The following FUT8 variants were observed in gnomAD, a reference collection of about 807,000 sequenced individuals.
FUT8 encodes alpha-(1,6)-fucosyltransferase.
FUT8 carries 29 observed loss-of-function variants against 71.3 expected under a neutral mutation model. The observed-to-expected ratio is 0.41, with a 90% CI of 0.30 to 0.55. The LOEUF is 0.55. FUT8 is among the 20% of genes least tolerant of loss of function. FUT8 has a pLI of 0.34. For synonymous variants in FUT8, 254 were observed against 239.3 expected, an observed-to-expected ratio of 1.06 and a Z score of -0.57; for missense variants, 544 against 702.1, an observed-to-expected ratio of 0.77 and a Z score of 2.55.
chr14:65,714,366 T>C (rs570906147), intron 7 of FUT8, among the ~76,000 whole-genome samples: 32 of 152,244 alleles, frequency 2.1e-4, no homozygotes, highest in Non-Finnish European at 3.5e-4. Flanking sequence ...GGTTTTGTGC[T>C]TTCTGCTTAG....
intron 1 of FUT8, among the ~76,000 whole-genome samples, chr14:65,436,936 G>C (rs1267564935): frequency 6.6e-6 from 1 of 152,204 alleles, no homozygotes; most frequent in Non-Finnish European, 1.5e-5. Context: ...CCAGGAGCTA[G>C]TTCTGAAGAA....
Position 65,663,951 on chromosome 14 carries a change from T to G in FUT8, c.598-5292T>G, listed in dbSNP as rs934647952. Among the ~76,000 whole-genome samples the G allele has an allele frequency of 2.0e-5, 3 of 152,210 alleles. No individual in the cohort carries two copies. In the East Asian group the frequency reaches 5.8e-4, roughly 29 times the overall value. ...TCAGATGTTTCAATTATTATGTTCCTTCACTCTTTTTTTCCTTAAAAAAGA... is the reference window on the plus strand; with the variant it reads ...TCAGATGTTTCAATTATTATGTTCCGTCACTCTTTTTTTCCTTAAAAAAGA... On this transcript the variant is annotated intron_variant, in intron 6 of 10. Coordinates refer to ENST00000673929, the MANE Select transcript of FUT8 (RefSeq NM_001371533.1).
At chr14:65,625,063 T>TTATAAATA (rs1318410138) in intron 5 of FUT8, among the ~76,000 whole-genome samples, 1 of 69,024 alleles carries the variant, frequency 1.4e-5, no homozygotes, top group African/African-American at 5.5e-5. Flanking sequence ...TGAAACTCTG[T>TTATAAATA]CATAAATAAA....
At chr14:65,595,391 A>G (rs1887910090) in intron 3 of FUT8, among the ~76,000 whole-genome samples, 1 of 152,170 alleles carries the variant, frequency 6.6e-6, no homozygotes, top group African/African-American at 2.4e-5. Context: ...GTGAAATTAT[A>G]AAGAAAATTT....
intron 7 of FUT8, among the ~76,000 whole-genome samples, chr14:65,698,481 AAGAAT>A (rs1323149668): frequency 6.6e-6 from 1 of 152,220 alleles, no homozygotes; most frequent in Non-Finnish European, 1.5e-5. Context: ...AAGCAGTGAG[AAGAAT>A]AGAAGTGTCC....
chr14:65,547,933 C>G (rs1172753177), intron 2 of FUT8, among the ~76,000 whole-genome samples: 1 of 151,856 alleles, frequency 6.6e-6, no homozygotes, highest in East Asian at 1.9e-4. Flanking sequence ...CTGCCCTGTT[C>G]CAAGATTCAA....
In FUT8 at chr14:65,452,795, TC is replaced by T. The variant is rs1261469780; in HGVS notation, c.-325-2825del. 3.9e-5 allele frequency among the ~76,000 whole-genome samples: 6 copies of T among 152,298 alleles called. No individual in the cohort carries two copies. In the South Asian group the frequency reaches 6.2e-4, roughly 16 times the overall value. On this transcript the variant is annotated intron_variant, in intron 1 of 10. Coordinates refer to ENST00000673929, the MANE Select transcript of FUT8 (RefSeq NM_001371533.1). ...CCATCAGACAAAAAAACTTCATAATTCAACAGGTATGTCAGGTAGAGGACTT... is the reference window on the plus strand; with the variant it reads ...CCATCAGACAAAAAAACTTCATAATTAACAGGTATGTCAGGTAGAGGACTT...
intron 3 of FUT8, among the ~76,000 whole-genome samples, chr14:65,571,095 G>T (rs975637502): frequency 2.4e-4 from 37 of 152,060 alleles, no homozygotes; most frequent in African/African-American, 8.7e-4. Context: ...GTGATTCTGG[G>T]TGCTGCTGGA....
chr14:65,635,310 T>C (rs1890487868), intron 6 of FUT8, among the ~76,000 whole-genome samples: 1 of 152,196 alleles, frequency 6.6e-6, no homozygotes, highest in African/African-American at 2.4e-5. Context: ...GACTTCCTCT[T>C]TACCGATTTG....
chr14:65,524,003 G>A (rs1883271474), intron 2 of FUT8, among the ~76,000 whole-genome samples: 1 of 152,222 alleles, frequency 6.6e-6, no homozygotes, highest in African/African-American at 2.4e-5. Flanking sequence ...ATGTCAGGTA[G>A]TGTGATGCCT....
In FUT8 at chr14:65,717,306, G is replaced by A. The variant is rs188897804; in HGVS notation, c.836-4469G>A. Among the ~76,000 whole-genome samples the A allele has an allele frequency of 1.5e-3, 201 of 130,740 alleles. 5 individuals are homozygous for A. In the East Asian group the frequency reaches 0.023, roughly 15 times the overall value. 85.8% of individuals were successfully genotyped at this position (130,740 alleles called of 152,430 possible). A position where few individuals can be genotyped will look rare whatever the true frequency, so the allele number is the denominator to read the frequency against. ...CTCACTTCCCAGACGATGGGCGGCCGGGCAGAGGCACTCCTCACCTCCCAG... is the reference window on the plus strand; with the variant it reads ...CTCACTTCCCAGACGATGGGCGGCCAGGCAGAGGCACTCCTCACCTCCCAG... On this transcript the variant is annotated intron_variant, in intron 7 of 10. Coordinates refer to ENST00000673929, the MANE Select transcript of FUT8 (RefSeq NM_001371533.1).
chr14:65,584,756 A>G (rs1345689882), intron 3 of FUT8, among the ~76,000 whole-genome samples: 1 of 152,176 alleles, frequency 6.6e-6, no homozygotes, highest in African/African-American at 2.4e-5. Flanking sequence ...TCAAGTGAAA[A>G]TTAGTTTGTT....
At chr14:65,725,751 A>G (rs1020960021) in intron 9 of FUT8, among the ~76,000 whole-genome samples, 1 of 152,226 alleles carries the variant, frequency 6.6e-6, no homozygotes, top group Non-Finnish European at 1.5e-5. Context: ...CAGTTTGAAA[A>G]CATTAACACT....
At chr14:65,407,492 G>C (rs1285048227), upstream of FUT8, among the ~76,000 whole-genome samples, 1 of 152,016 alleles carries the variant, frequency 6.6e-6, no homozygotes, top group African/African-American at 2.4e-5. Flanking sequence ...ATAGAGACAG[G>C]GGTCTTGCTA....
intron 7 of FUT8, among the ~76,000 whole-genome samples, chr14:65,675,996 C>CA (rs56680910): frequency 1.3e-5 from 2 of 150,842 alleles, no homozygotes; most frequent in African/African-American, 2.4e-5. Context: ...GACTCTGTTT[C>CA]AAAAAAAATA....
intron 7 of FUT8, among the ~76,000 whole-genome samples, chr14:65,690,311 A>G (rs1384949283): frequency 1.3e-5 from 2 of 152,146 alleles, no homozygotes; most frequent in Non-Finnish European, 2.9e-5. Flanking sequence ...CTTTGAAGTC[A>G]GGTAGATCAG....
chr14:65,709,234 C>T (rs1894701694), intron 7 of FUT8, among the ~76,000 whole-genome samples: 1 of 151,978 alleles, frequency 6.6e-6, no homozygotes. Flanking sequence ...CTGATCTTGG[C>T]CGTTTTATTA....
chr14:65,577,507 G>T (rs904253538), intron 3 of FUT8, among the ~76,000 whole-genome samples: 3 of 152,158 alleles, frequency 2.0e-5, no homozygotes, highest in African/African-American at 7.2e-5. Flanking sequence ...AAAAATAGAA[G>T]ATTTTTGTGT....
chr14:65,735,352 A>G (rs1896171881), intron 10 of FUT8, among the ~76,000 whole-genome samples: 1 of 152,110 alleles, frequency 6.6e-6, no homozygotes, highest in South Asian at 2.1e-4. Context: ...ATATTGTTCT[A>G]TTACTTTGTT....
Sources: gnomAD v4.1 joint callset for allele counts (sites outside exome capture counted in the v4.1 genomes callset) on GRCh38, gnomAD v4.1.1 for gene constraint, MANE v1.5 for transcripts, NCBI Gene and HGNC (gene_info 2026-07-23, HGNC 2026-07-21) for gene names.